MOXD1: variants seen among roughly 807,000 people sequenced by gnomAD.
MOXD1 encodes the protein DBH-like monooxygenase protein 1.
MOXD1 carries 62 observed loss-of-function variants against 66.6 expected under a neutral mutation model. The ratio of observed to expected loss-of-function variants is 0.93; its 90% CI spans 0.76 to 1.15. MOXD1 has a LOEUF of 1.15. MOXD1 is among the 50% of genes most tolerant of loss of function. The pLI, the probability that MOXD1 is intolerant of heterozygous loss-of-function variation, is 0.00. For missense variants in MOXD1, 847 were observed against 754.6 expected, an observed-to-expected ratio of 1.12 and a Z score of -1.44; for synonymous variants, 303 against 281.9, an observed-to-expected ratio of 1.07 and a Z score of -0.75.
chr6:132,315,839 A>G lies in MOXD1; in HGVS notation c.1366-62T>C, dbSNP rs1017244659. ...CTACCAACTTTGACATTTAAAGCAC[A>G]CAAGTCATTAATGTCATACAGTTCC... On this transcript the variant is annotated intron_variant, in intron 9 of 11. Coordinates refer to ENST00000367963, the MANE Select transcript of MOXD1 (RefSeq NM_015529.4). 115 of 1,511,196 alleles carry G rather than the reference A, an allele frequency of 7.6e-5. 1 individual carries two copies. The highest frequency in any genetic ancestry group is 2.3e-5 in the Non-Finnish European group (25 of 1,094,476). 93.6% of individuals were successfully genotyped at this position (1,511,196 alleles called of 1,614,324 possible).
At chr6:132,374,867 T>C (rs1161557807) in intron 1 of MOXD1, 90 bp from the exon 2 acceptor site, 1 of 1,279,156 alleles carries the variant, frequency 7.8e-7, no homozygotes, top group Admixed American at 2.1e-5. Flanking sequence ...TCTTGTTGTC[T>C]AGAGTTATTT....
At chr6:132,386,435 A>AC (rs1776644072) in intron 1 of MOXD1, among the ~76,000 whole-genome samples, 2 of 144,722 alleles carry the variant, frequency 1.4e-5, no homozygotes, top group East Asian at 2.2e-4. Context: ...AAACAAAACA[A>AC]AAAAAAAAAA....
At chr6:132,353,128 C>A (rs146270091) in intron 4 of MOXD1, among the ~76,000 whole-genome samples, 2 of 152,092 alleles carry the variant, frequency 1.3e-5, no homozygotes, top group African/African-American at 2.4e-5. Flanking sequence ...AGCACTTAGG[C>A]GATTTACATT....
chr6:132,331,288 C>A (rs939865917), intron 4 of MOXD1, among the ~76,000 whole-genome samples: 2 of 152,158 alleles, frequency 1.3e-5, no homozygotes, highest in Non-Finnish European at 2.9e-5. Context: ...TCAGGCAGAA[C>A]CTTAAGGTTG....
chr6:132,343,589 C>T (rs901950534), intron 4 of MOXD1, among the ~76,000 whole-genome samples: 3 of 151,486 alleles, frequency 2.0e-5, no homozygotes, highest in African/African-American at 7.3e-5. Flanking sequence ...AAAAAAAGTC[C>T]ATGGAAAAGA....
intron 10 of MOXD1, among the ~76,000 whole-genome samples, chr6:132,304,792 A>T (rs1041926757): frequency 4.6e-5 from 7 of 152,228 alleles, no homozygotes. Context: ...TAAAGCCACA[A>T]GAAAATATCA....
intron 10 of MOXD1, among the ~76,000 whole-genome samples, chr6:132,311,623 T>A (rs1181400464): frequency 6.6e-6 from 1 of 152,042 alleles, no homozygotes; most frequent in African/African-American, 2.4e-5. Flanking sequence ...CAACATTTAT[T>A]TGAACTTCAA....
chr6:132,344,940 G>A (rs138350326), intron 4 of MOXD1, among the ~76,000 whole-genome samples: 1 of 152,250 alleles, frequency 6.6e-6, no homozygotes, highest in Non-Finnish European at 1.5e-5. Context: ...CTTGGACATG[G>A]GACAAGAACC....
At chr6:132,324,206 G>A (rs1775140641) in intron 6 of MOXD1, 109 bp from the exon 7 acceptor site, 2 of 1,119,592 alleles carry the variant, frequency 1.8e-6, no homozygotes, top group Admixed American at 2.4e-5. Flanking sequence ...TGTTGAAATA[G>A]GTTTATTTAT....
chr6:132,322,831 C>G lies in MOXD1; in HGVS notation c.1153G>C (p.Ala385Pro), dbSNP rs1418429507. Residue 385 changes from alanine to proline, a missense_variant, in exon 8 of 12, where the codon GCT becomes CCT. Transcript: ENST00000367963. ...AEKPSGIHVFAVLLHAHLAGR... is the reference protein window; with the variant it reads ...AEKPSGIHVFPVLLHAHLAGR... ...GCCAGGTGAGCATGGAGAAGAACAGCAAACACATGAATTCCACTTGGCTTT... is the reference window on the plus strand; with the variant it reads ...GCCAGGTGAGCATGGAGAAGAACAGGAAACACATGAATTCCACTTGGCTTT... The G allele has an allele frequency of 2.5e-6, 4 of 1,613,704 alleles. No homozygotes were observed. In the African/African-American group the frequency reaches 5.3e-5, roughly 22 times the overall value.
At position 132,374,630 on chromosome 6, in the gene MOXD1, C is replaced by T. The variant is rs755519105; in HGVS notation, c.411+1G>A. The T allele has an allele frequency of 1.5e-5, 24 of 1,613,426 alleles. No homozygotes were observed. The highest frequency in any genetic ancestry group is 1.9e-5 in the Non-Finnish European group (23 of 1,179,868). ...CATGCATTCACTCATAGATGCCTTA[C>T]CGTTATACTCTTGTCATTTATGTCA... On this transcript the variant is annotated splice_donor_variant, in intron 2 of 11. Transcript: ENST00000367963. LOFTEE classifies it high-confidence loss of function.
chr6:132,371,283 A>C (rs1008999159), intron 4 of MOXD1, among the ~76,000 whole-genome samples: 1 of 152,152 alleles, frequency 6.6e-6, no homozygotes, highest in African/African-American at 2.4e-5. Context: ...TAGAATTTGC[A>C]TTCCCCTTTT....
At chr6:132,341,365 G>C (rs1293621493) in intron 4 of MOXD1, among the ~76,000 whole-genome samples, 3 of 152,128 alleles carry the variant, frequency 2.0e-5, no homozygotes, top group South Asian at 2.1e-4. Context: ...CTCCAGAACT[G>C]TAAGAAATAC....
intron 4 of MOXD1, among the ~76,000 whole-genome samples, chr6:132,341,182 A>G (rs576653311): frequency 6.6e-6 from 1 of 152,306 alleles, no homozygotes; most frequent in African/African-American, 2.4e-5. Context: ...AGGTGATTAC[A>G]TGGATGGGAT....
chr6:132,318,725 A>G (rs183562297), intron 9 of MOXD1, among the ~76,000 whole-genome samples: 8 of 152,146 alleles, frequency 5.3e-5, no homozygotes, highest in Admixed American at 5.2e-4. Flanking sequence ...TGCTTAAAAA[A>G]TTCTTAACTA....
rs145443994 is a variant in MOXD1 at position 132,328,493 on chromosome 6, G to A, written c.765C>T (p.His255=). The part of the protein sequence containing the change: ...NFNDSVLESG[H]ECYHPNMPDA... ...CGGGCATGTTGGGGTGATAGCACTC[G>A]TGGCCGGACTCCAGAACGCTGTCGT... Residue 255 remains histidine (H), a synonymous_variant, in exon 5 of 12, where the codon CAC becomes CAT. Coordinates refer to ENST00000367963, the MANE Select transcript of MOXD1 (RefSeq NM_015529.4). 176 of 1,614,012 alleles carry A rather than the reference G, an allele frequency of 1.1e-4. No individual in the cohort carries two copies. Among genetic ancestry groups the A allele is most frequent in the Non-Finnish European group, 1.4e-4 (161 of 1,180,022 alleles).
chr6:132,374,841 A>T (rs764993910), intron 1 of MOXD1, 64 bp from the exon 2 acceptor site: 1 of 1,438,022 alleles, frequency 7.0e-7, no homozygotes, highest in Non-Finnish European at 9.7e-7. Flanking sequence ...AATTCATAGG[A>T]CCTTTAAAGA....
intron 4 of MOXD1, among the ~76,000 whole-genome samples, chr6:132,349,473 A>ATATG (rs1775756537): frequency 2.9e-5 from 1 of 34,308 alleles, no homozygotes; most frequent in African/African-American, 8.4e-5. Context: ...ATACATATAT[A>ATATG]TATATATACA....
intron 10 of MOXD1, among the ~76,000 whole-genome samples, chr6:132,298,713 G>A (rs1470693317): frequency 2.0e-5 from 3 of 151,730 alleles, no homozygotes; most frequent in Non-Finnish European, 4.4e-5. Context: ...AAAAACCAGA[G>A]TGAGATACCA....
Sources: allele counts gnomAD v4.1 joint callset (sites outside exome capture counted in the v4.1 genomes callset), GRCh38; gene constraint gnomAD v4.1.1; transcripts MANE v1.5; gene names NCBI Gene and HGNC (gene_info 2026-07-23, HGNC 2026-07-21).